CYP19A1: variants seen among roughly 807,000 people sequenced by gnomAD.
The protein encoded by CYP19A1 is cytochrome P450 family 19 subfamily A member 1.
In CYP19A1, 32 loss-of-function variants were observed where a neutral mutation model predicts 44.4. The observed-to-expected ratio is 0.72, with a 90% confidence interval of 0.54 to 0.97. The LOEUF is 0.97. Among genes scored for constraint, CYP19A1 ranks in the 50% least tolerant of loss-of-function variants. The pLI is 0.00. For missense variants in CYP19A1, 598 were observed against 637.8 expected (o/e 0.94, Z 0.67); for synonymous variants, 212 against 215.6 (o/e 0.98, Z 0.14).
intron 1 of CYP19A1, among the ~76,000 whole-genome samples, chr15:51,270,063 C>T (rs148513427): frequency 4.7e-4 from 72 of 152,284 alleles, no homozygotes; most frequent in Middle Eastern, 3.4e-3. Context: ...CAATTATCCA[C>T]GAACGTGATA....
intron 1 of CYP19A1, among the ~76,000 whole-genome samples, chr15:51,275,367 C>T (rs956010189): frequency 3.3e-5 from 5 of 152,230 alleles, no homozygotes; most frequent in African/African-American, 1.2e-4. Context: ...ATGCCTAAAT[C>T]TTCACCTCCA....
intron 9 of CYP19A1, among the ~76,000 whole-genome samples, chr15:51,211,381 T>C (rs2030964824): frequency 6.6e-6 from 1 of 152,206 alleles, no homozygotes; most frequent in South Asian, 2.1e-4. Context: ...TTTACTATTG[T>C]TTTATAAGTC....
rs1482339246 is a variant in CYP19A1 at position 51,208,606 on chromosome 15, C to T, written c.*2202G>A. On this transcript the variant is annotated 3_prime_UTR_variant, in exon 10 of 10. Coordinates refer to ENST00000396402, the MANE Select transcript of CYP19A1 (RefSeq NM_000103.4). ...GTATTCCAGAATTCCAAGGCCAAGC[C>T]TCTACAAATATATGGGGTTTGTCTA... The T allele has an allele frequency of 6.6e-6, 1 of 152,066 alleles. No individual in the cohort carries two copies. Among genetic ancestry groups the T allele is most frequent in the Non-Finnish European group, 1.5e-5 (1 of 68,008 alleles). The allele number at this position is 152,066 out of a possible 1,614,324, so 9.4% of individuals were successfully genotyped here.
rs549590651 is a variant in CYP19A1 at position 51,283,148 on chromosome 15, G to A, written c.-38-40198C>T. On this transcript the variant is annotated intron_variant, in intron 1 of 9. Coordinates refer to ENST00000396402, the MANE Select transcript of CYP19A1 (RefSeq NM_000103.4). Reference sequence around the variant, plus strand: ...AGGTAGATTCAGATGAGGAAGAGGAGGACGAGTGTAAAGAACTAATTTCAG... The same window carrying A: ...AGGTAGATTCAGATGAGGAAGAGGAAGACGAGTGTAAAGAACTAATTTCAG... Among the ~76,000 whole-genome samples the A allele has an allele frequency of 9.4e-5, 14 of 148,552 alleles. No homozygotes were observed. The South Asian group carries it at 3.0e-3, about 31-fold the overall frequency.
chr15:51,270,824 G>T (rs190680334), intron 1 of CYP19A1, among the ~76,000 whole-genome samples: 1 of 152,280 alleles, frequency 6.6e-6, no homozygotes, highest in East Asian at 1.9e-4. Flanking sequence ...ATTCCAAAAT[G>T]GGTTTCTGCT....
chr15:51,334,485 A>G (rs375792270), intron 1 of CYP19A1, among the ~76,000 whole-genome samples: 4 of 152,240 alleles, frequency 2.6e-5, no homozygotes, highest in African/African-American at 9.6e-5. Context: ...CTCGAGTTCC[A>G]TAAGTGGAGC....
intron 5 of CYP19A1, 87 bp downstream of exon 5, chr15:51,222,262 A>G (rs964182764): frequency 3.1e-6 from 5 of 1,606,156 alleles, no homozygotes; most frequent in Non-Finnish European, 4.3e-6. Context: ...AGAAAATGGC[A>G]TGTGATTCCT....
chr15:51,221,206 CTG>C (rs1242469300), intron 5 of CYP19A1, among the ~76,000 whole-genome samples: 1 of 152,106 alleles, frequency 6.6e-6, no homozygotes, highest in Non-Finnish European at 1.5e-5. Flanking sequence ...ATTATGTCAA[CTG>C]TATAAATATT....
chr15:51,315,377 A>C (rs2036405729), intron 1 of CYP19A1, among the ~76,000 whole-genome samples: 1 of 151,602 alleles, frequency 6.6e-6, no homozygotes, highest in Non-Finnish European at 1.5e-5. Context: ...TATCTCACCC[A>C]CTCAGCCTTG....
chr15:51,296,805 T>C (rs1310661592), intron 1 of CYP19A1, among the ~76,000 whole-genome samples: 1 of 152,210 alleles, frequency 6.6e-6, no homozygotes, highest in Non-Finnish European at 1.5e-5. Flanking sequence ...TTCCTGTTTG[T>C]AAAATAAATT....
intron 1 of CYP19A1, among the ~76,000 whole-genome samples, chr15:51,273,938 C>T (rs1013160634): frequency 6.6e-6 from 1 of 152,050 alleles, no homozygotes; most frequent in African/African-American, 2.4e-5. Context: ...ACCCGAGAGA[C>T]GGAGGTTGCA....
chr15:51,224,648 C>T lies in CYP19A1; in HGVS notation c.452-2123G>A, dbSNP rs988871629. 8.1e-4 allele frequency among the ~76,000 whole-genome samples: 123 copies of T among 152,248 alleles called. 1 individual carries two copies. The highest frequency in any genetic ancestry group is 2.9e-3 in the African/African-American group (121 of 41,470). ...AGCTCCTAAATGTTCTCACTGCTCA[C>T]AATCCTGCTTCCTTCCAATTAGTCA... On this transcript the variant is annotated intron_variant, in intron 4 of 9. Transcript: ENST00000396402.
At chr15:51,214,983 GT>G in intron 8 of CYP19A1, 86 bp downstream of exon 8, 1 of 1,530,058 alleles carries the variant, frequency 6.5e-7, no homozygotes, top group Non-Finnish European at 8.8e-7. Context: ...AAAATTTCAT[GT>G]TTGATATCAG....
At chr15:51,272,249 C>G (rs1328438972) in intron 1 of CYP19A1, among the ~76,000 whole-genome samples, 1 of 152,156 alleles carries the variant, frequency 6.6e-6, no homozygotes, top group Non-Finnish European at 1.5e-5. Context: ...GATACGTGTT[C>G]CTGAGTAAAT....
intron 1 of CYP19A1, among the ~76,000 whole-genome samples, chr15:51,298,888 G>T (rs1485940894): frequency 6.6e-6 from 1 of 151,768 alleles, no homozygotes; most frequent in Admixed American, 6.6e-5. Flanking sequence ...TGGGATCACT[G>T]CTTTTCCTTA....
At chr15:51,237,446 C>A (rs1273521264) in intron 2 of CYP19A1, among the ~76,000 whole-genome samples, 2 of 152,050 alleles carry the variant, frequency 1.3e-5, no homozygotes, top group Admixed American at 6.5e-5. Flanking sequence ...TTTGAGTGCC[C>A]CGGTTGACAC....
chr15:51,288,353 C>T (rs773965965), intron 1 of CYP19A1, among the ~76,000 whole-genome samples: 2 of 152,126 alleles, frequency 1.3e-5, no homozygotes, highest in Non-Finnish European at 2.9e-5. Flanking sequence ...CACCGCCCAC[C>T]CCCCATAGTC....
intron 1 of CYP19A1, among the ~76,000 whole-genome samples, chr15:51,330,303 G>A (rs993621264): frequency 1.3e-5 from 2 of 152,144 alleles, no homozygotes; most frequent in East Asian, 1.9e-4. Flanking sequence ...CAGCGACATC[G>A]TTGAGGTGTG....
intron 1 of CYP19A1, among the ~76,000 whole-genome samples, chr15:51,302,718 C>G (rs942092075): frequency 2.0e-5 from 3 of 152,208 alleles, no homozygotes; most frequent in Admixed American, 2.0e-4. Flanking sequence ...TGCCATCTTT[C>G]GAGGTCCAGC....
Sources: gnomAD v4.1 joint callset for allele counts (sites outside exome capture counted in the v4.1 genomes callset) on GRCh38, gnomAD v4.1.1 for gene constraint, MANE v1.5 for transcripts, NCBI Gene and HGNC (gene_info 2026-07-23, HGNC 2026-07-21) for gene names.